Variants in LRRFIP1 observed in about 807,000 individuals in gnomAD.
LRRFIP1 encodes leucine-rich repeat flightless-interacting protein 1.
LRRFIP1 carries 62 observed loss-of-function variants against 104.4 expected under a neutral mutation model. The observed-to-expected ratio is 0.59, with a 90% CI of 0.48 to 0.73. LRRFIP1 has a LOEUF of 0.73. Among genes scored for constraint, LRRFIP1 ranks in the 30% least tolerant of loss-of-function variants. The probability of loss-of-function intolerance (pLI) is 0.00; values close to 1 mark genes in which losing one functional copy is unlikely to be tolerated. For missense variants in LRRFIP1, 796 were observed against 824.5 expected, an observed-to-expected ratio of 0.97 and a Z score of 0.42; for synonymous variants, 300 against 299.0, an observed-to-expected ratio of 1.00 and a Z score of -0.03.
At position 237,691,645 on chromosome 2, in the gene LRRFIP1, G is replaced by C. The variant is rs575943893; in HGVS notation, c.97-16899G>C. ...AGCGTGGCCTGAGGGTGATGGATGT[G>C]GGGGAGCCGGGAACTCATACCCTCG... On this transcript the variant is annotated intron_variant, in intron 1 of 23. Transcript: ENST00000308482. This position sits in a 1 kb window ranked among gnomAD's most constrained non-coding sequence, Gnocchi z 5.4. Among the ~76,000 whole-genome samples the C allele has an allele frequency of 6.8e-6, 1 of 148,142 alleles. No homozygotes were observed. Among genetic ancestry groups the C allele is most frequent in the African/African-American group, 2.7e-5 (1 of 37,554 alleles).
intron 1 of LRRFIP1, among the ~76,000 whole-genome samples, chr2:237,663,906 C>A (rs1174667304): frequency 6.6e-6 from 1 of 152,194 alleles, no homozygotes; most frequent in African/African-American, 2.4e-5. Flanking sequence ...GTCAAAGCCA[C>A]ATAGTTGCAT....
chr2:237,704,855 CAT>C (rs2149966344), intron 1 of LRRFIP1, among the ~76,000 whole-genome samples: 1 of 152,308 alleles, frequency 6.6e-6, no homozygotes, highest in East Asian at 1.9e-4. Context: ...GATGCCCTAA[CAT>C]GATTCATCCA....
At chr2:237,651,923 C>T (rs961081595) in intron 1 of LRRFIP1, among the ~76,000 whole-genome samples, 2 of 152,244 alleles carry the variant, frequency 1.3e-5, no homozygotes, top group Non-Finnish European at 2.9e-5. Context: ...TTCACAGGCT[C>T]GGGCGCTGCC....
intron 8 of LRRFIP1, among the ~76,000 whole-genome samples, chr2:237,728,162 G>A (rs2094842574): frequency 6.6e-6 from 1 of 152,070 alleles, no homozygotes; most frequent in African/African-American, 2.4e-5. Context: ...TTAGTATAAG[G>A]GGTAGATATT....
At chr2:237,647,834 C>T (rs991026242) in intron 1 of LRRFIP1, among the ~76,000 whole-genome samples, 3 of 151,884 alleles carry the variant, frequency 2.0e-5, no homozygotes, top group Non-Finnish European at 4.4e-5. Context: ...GCCCTGTGGC[C>T]GGCCACTCAC....
chr2:237,647,404 G>A (rs979696375), intron 1 of LRRFIP1, among the ~76,000 whole-genome samples: 2 of 152,002 alleles, frequency 1.3e-5, no homozygotes, highest in East Asian at 1.9e-4. Context: ...GGTGCCAGGT[G>A]GGCTCCTCTA....
chr2:237,759,632 A>G (rs1039094053), intron 18 of LRRFIP1, among the ~76,000 whole-genome samples: 1 of 152,208 alleles, frequency 6.6e-6, no homozygotes, highest in Non-Finnish European at 1.5e-5. Context: ...CTTCTTTAAC[A>G]TAAGTTTCGT....
chr2:237,739,287 G>C lies in LRRFIP1; in HGVS notation c.611G>C (p.Ser204Thr), dbSNP rs774823482. Residue 204 changes from serine to threonine, a missense_variant, in exon 11 of 24, where the codon AGC becomes ACC. Transcript: ENST00000308482. The part of the protein sequence containing the change: ...NSSSRASSRA[S>T]SARASPVVEE... ...AGCTCCCGCGCCTCCTCCAGGGCCA[G>C]CTCGGCCCGGGCCAGCCCTGTGGTA... The C allele has an allele frequency of 6.4e-7, 1 of 1,562,090 alleles. No individual in the cohort carries two copies. The highest frequency in any genetic ancestry group is 1.9e-5 in the Admixed American group (1 of 53,474).
At chr2:237,760,739 C>T (rs1222856111) in intron 19 of LRRFIP1, among the ~76,000 whole-genome samples, 2 of 152,128 alleles carry the variant, frequency 1.3e-5, no homozygotes, top group African/African-American at 2.4e-5. Flanking sequence ...TTCAAGCCAC[C>T]GCTCGAGGTG....
chr2:237,668,509 G>T (rs1247165826), intron 1 of LRRFIP1, among the ~76,000 whole-genome samples: 2 of 152,100 alleles, frequency 1.3e-5, no homozygotes, highest in African/African-American at 4.8e-5. Context: ...GCCATATGAT[G>T]GCACCAGGGG....
chr2:237,654,450 T>C (rs1288260996), intron 1 of LRRFIP1, among the ~76,000 whole-genome samples: 1 of 152,200 alleles, frequency 6.6e-6, no homozygotes, highest in Non-Finnish European at 1.5e-5. Context: ...GAAAACAGTA[T>C]GGAAATTCCT....
chr2:237,703,313 T>A lies in LRRFIP1; in HGVS notation c.97-5231T>A, dbSNP rs1336746606. Among the ~76,000 whole-genome samples, 1 of 152,200 alleles carries A rather than the reference T, an allele frequency of 6.6e-6. No individual in the cohort carries two copies. The highest frequency in any genetic ancestry group is 1.5e-5 in the Non-Finnish European group (1 of 68,022). On this transcript the variant is annotated intron_variant, in intron 1 of 23. Coordinates refer to ENST00000308482, the MANE Select transcript of LRRFIP1 (RefSeq NM_001137550.2). This position sits in a 1 kb window ranked among gnomAD's most constrained non-coding sequence, Gnocchi z 4.3. ...GATCCGCTGCAGCCCAGCCCGTTCCTGTCCCCATGCTGGAAGCAGCCTGTC... is the reference window on the plus strand; with the variant it reads ...GATCCGCTGCAGCCCAGCCCGTTCCAGTCCCCATGCTGGAAGCAGCCTGTC...
At chr2:237,714,677 T>C (rs2094253280) in intron 3 of LRRFIP1, among the ~76,000 whole-genome samples, 1 of 152,214 alleles carries the variant, frequency 6.6e-6, no homozygotes, top group African/African-American at 2.4e-5. Flanking sequence ...CATTGAGAGA[T>C]TATTAGATAT....
At chr2:237,730,919 GACAAACAA>G (rs3053643) in intron 8 of LRRFIP1, among the ~76,000 whole-genome samples, 9,086 of 151,368 alleles carry the variant, frequency 0.06, 277 homozygotes, top group East Asian at 0.13. Context: ...TTCCATCTCA[GACAAACAA>G]ACAAACAAAC....
intron 1 of LRRFIP1, among the ~76,000 whole-genome samples, chr2:237,673,153 G>T (rs1397864685): frequency 6.6e-6 from 1 of 152,042 alleles, no homozygotes; most frequent in Admixed American, 6.6e-5. Flanking sequence ...TACAAATACC[G>T]TTGCATCTTT....
chr2:237,707,336 G>A (rs538658878), intron 1 of LRRFIP1, among the ~76,000 whole-genome samples: 1 of 151,058 alleles, frequency 6.6e-6, no homozygotes, highest in South Asian at 2.1e-4. Context: ...AGGAGGCTGA[G>A]GCAGGAGGGT....
chr2:237,692,030 G>C (rs1215168317), intron 1 of LRRFIP1: 3 of 284,744 alleles, frequency 1.1e-5, no homozygotes, highest in Non-Finnish European at 1.5e-5. Flanking sequence ...GACCCTCCGA[G>C]GCGGAGCGGC....
Position 237,703,137 on chromosome 2 carries a change from G to A in LRRFIP1, c.97-5407G>A, listed in dbSNP as rs147298528. On this transcript the variant is annotated intron_variant, in intron 1 of 23. Transcript: ENST00000308482. The surrounding 1 kb of genome is among the most constrained non-coding windows in gnomAD (Gnocchi z 4.3). ...CGCTGTTCTAATCTAATCAGTGGAG[G>A]ATCCAGCAAGCTCGGATGGGAGGGA... is the stretch of plus-strand genomic sequence containing the variant. Among the ~76,000 whole-genome samples, 435 of 152,316 alleles carry A rather than the reference G, an allele frequency of 2.9e-3. 2 individuals are homozygous for A. Among genetic ancestry groups the A allele is most frequent in the Middle Eastern group, 6.8e-3 (2 of 294 alleles).
At chr2:237,776,827 C>T (rs1330845596) in intron 23 of LRRFIP1, among the ~76,000 whole-genome samples, 2 of 152,092 alleles carry the variant, frequency 1.3e-5, no homozygotes, top group Non-Finnish European at 2.9e-5. Context: ...AGCTAGGTGG[C>T]GGTGGCTCTT....
Sources: gnomAD v4.1 joint callset for allele counts (sites outside exome capture counted in the v4.1 genomes callset) on GRCh38, gnomAD v4.1.1 for gene constraint, Gnocchi (gnomAD v3.1) non-coding constraint, MANE v1.5 for transcripts, NCBI Gene and HGNC (gene_info 2026-07-23, HGNC 2026-07-21) for gene names.